Variants in PLA2R1 observed in about 807,000 individuals in gnomAD.
PLA2R1 encodes phospholipase A2 receptor 1.
Under a neutral mutation model 195.9 loss-of-function variants are expected in PLA2R1, and 158 were observed. The observed-to-expected ratio is 0.81, with a 90% confidence interval of 0.71 to 0.92. The LOEUF is 0.92. Among genes scored for constraint, PLA2R1 ranks in the 40% least tolerant of loss-of-function variants. The pLI is 0.00. For missense variants in PLA2R1, 1,626 were observed against 1,764.6 expected, an observed-to-expected ratio of 0.92 and a Z score of 1.41; for synonymous variants, 586 against 598.2, an observed-to-expected ratio of 0.98 and a Z score of 0.30.
At chr2:159,991,305 G>C (rs1690772563) in intron 11 of PLA2R1, among the ~76,000 whole-genome samples, 1 of 152,022 alleles carries the variant, frequency 6.6e-6, no homozygotes, top group Non-Finnish European at 1.5e-5. Context: ...ATGTTCTAAG[G>C]GCTCTCAGAA....
chr2:160,045,436 G>A (rs1001850197), intron 1 of PLA2R1, among the ~76,000 whole-genome samples: 5 of 152,182 alleles, frequency 3.3e-5, no homozygotes, highest in Admixed American at 1.3e-4. Flanking sequence ...AATCCACTCA[G>A]GTCTGTTACT....
At chr2:159,997,885 T>C (rs575125175) in intron 11 of PLA2R1, among the ~76,000 whole-genome samples, 2 of 152,288 alleles carry the variant, frequency 1.3e-5, no homozygotes, top group East Asian at 1.9e-4. Flanking sequence ...ACTTCTTATA[T>C]GCTCGTCTGG....
At chr2:159,930,710 T>C (rs988463098), downstream of PLA2R1, among the ~76,000 whole-genome samples, 1 of 152,162 alleles carries the variant, frequency 6.6e-6, no homozygotes, top group Admixed American at 6.5e-5. Flanking sequence ...TAATGATGTA[T>C]CCACCTCACC....
chr2:159,979,868 G>A lies in PLA2R1; in HGVS notation c.2230C>T (p.Leu744=). The A allele has an allele frequency of 1.2e-6, 2 of 1,608,656 alleles. No homozygotes were observed. Among genetic ancestry groups the A allele is most frequent in the Non-Finnish European group, 1.7e-6 (2 of 1,175,408 alleles). ...FWIGFNKRNP[L]NAGSWEWSDR... is the part of the protein sequence containing the mutation. ...GACCACTCCCATGAGCCGGCATTCAGTGGGTTTCTTTTATTAAATCCAATC... is the reference window on the plus strand; with the variant it reads ...GACCACTCCCATGAGCCGGCATTCAATGGGTTTCTTTTATTAAATCCAATC... The change falls in exon 14 of 30, where the codon CTG becomes TTG. Residue 744 remains leucine (L), a synonymous_variant. Coordinates refer to ENST00000283243, the MANE Select transcript of PLA2R1 (RefSeq NM_007366.5).
chr2:159,951,341 T>A lies in PLA2R1; in HGVS notation c.3539A>T (p.Asp1180Val). The change falls in exon 24 of 30, where the codon GAT (aspartate) becomes GTT (valine). Residue 1180 changes from aspartate to valine, a missense_variant and splice_region_variant. Asp to Val is a radical substitution (Grantham distance 152, BLOSUM62 -3). Transcript: ENST00000283243. ...YAHWIGLFTTDNGLNFDWSDG... is the reference protein window; with the variant it reads ...YAHWIGLFTTVNGLNFDWSDG... ...TCTCAAGGGAGTTAGGATACCTACA[T>A]CTGTGGTGAACAGTCCAATCCAGTG... 6.4e-7 allele frequency: 1 copy of A among 1,555,156 alleles called. No homozygotes were observed. Among genetic ancestry groups the A allele is most frequent in the Non-Finnish European group, 8.9e-7 (1 of 1,126,352 alleles).
At chr2:160,018,166 A>G (rs1225784179) in intron 8 of PLA2R1, among the ~76,000 whole-genome samples, 1 of 152,174 alleles carries the variant, frequency 6.6e-6, no homozygotes, top group African/African-American at 2.4e-5. Context: ...TTACGGCAGC[A>G]TTGTCCTGAC....
chr2:160,030,396 A>G (rs879387438), intron 4 of PLA2R1, among the ~76,000 whole-genome samples: 1 of 152,238 alleles, frequency 6.6e-6, no homozygotes, highest in Non-Finnish European at 1.5e-5. Context: ...TATGATGATA[A>G]GAAGTGAAAT....
chr2:160,052,257 T>C (rs774760475), intron 1 of PLA2R1, among the ~76,000 whole-genome samples: 2 of 152,184 alleles, frequency 1.3e-5, no homozygotes, highest in Non-Finnish European at 2.9e-5. Context: ...TGCAGTTCTG[T>C]GAGGCTTCAA....
At chr2:160,041,705 T>C (rs1694531303) in intron 3 of PLA2R1, among the ~76,000 whole-genome samples, 1 of 152,206 alleles carries the variant, frequency 6.6e-6, no homozygotes, top group Non-Finnish European at 1.5e-5. Context: ...CAGGTTTGTT[T>C]TGAAGTATCC....
chr2:159,971,262 C>G (rs1225725426), intron 17 of PLA2R1, among the ~76,000 whole-genome samples: 2 of 152,098 alleles, frequency 1.3e-5, no homozygotes, highest in Admixed American at 1.3e-4. Context: ...AAAAAAACCA[C>G]TTAATCTAAG....
chr2:160,052,093 A>G (rs1009618037), intron 1 of PLA2R1, among the ~76,000 whole-genome samples: 2 of 152,168 alleles, frequency 1.3e-5, no homozygotes, highest in African/African-American at 4.8e-5. Context: ...CCATCTCCAC[A>G]GGGCCGTGGA....
At position 160,044,835 on chromosome 2, in the gene PLA2R1, A is replaced by G. The variant is rs538685842; in HGVS notation, c.432T>C (p.Tyr144=). 39 of 1,613,802 alleles carry G rather than the reference A, an allele frequency of 2.4e-5. No individual in the cohort carries two copies. The East Asian group carries it at 7.8e-4, about 32-fold the overall frequency. The change falls in exon 2 of 30, where the codon TAT becomes TAC. Residue 144 remains tyrosine, a synonymous_variant. Transcript: ENST00000283243. ...ACCCATAAGAAATCCACTTATGAAT[A>G]TACTTCCGTGAGGCCACCACTGTGT... ...HDNTVVASRK[Y]IHKWISYGSG...
At chr2:159,954,992 C>T (rs544339312) in intron 23 of PLA2R1, among the ~76,000 whole-genome samples, 1 of 152,272 alleles carries the variant, frequency 6.6e-6, no homozygotes, top group South Asian at 2.1e-4. Flanking sequence ...CAAGTGGCCT[C>T]GGCAGTCCTT....
intron 6 of PLA2R1, among the ~76,000 whole-genome samples, chr2:160,024,727 G>A: frequency 6.6e-6 from 1 of 152,242 alleles, no homozygotes; most frequent in African/African-American, 2.4e-5. Flanking sequence ...AAACAGCATT[G>A]GCAAGGCTGG....
chr2:160,016,471 AGG>A (rs34121457), intron 9 of PLA2R1, 141 bp downstream of exon 9: 7 of 559,562 alleles, frequency 1.3e-5, no homozygotes, highest in Admixed American at 3.5e-5. Context: ...AAAGGAAAGA[AGG>A]GGGGGGTGCG....
At chr2:160,009,720 A>C in intron 10 of PLA2R1, among the ~76,000 whole-genome samples, 1 of 103,216 alleles carries the variant, frequency 9.7e-6, no homozygotes, top group African/African-American at 3.5e-5. Flanking sequence ...ATATTTTACC[A>C]CAATAAAAAA....
chr2:160,033,813 T>C (rs1694001391), intron 3 of PLA2R1, among the ~76,000 whole-genome samples: 1 of 152,180 alleles, frequency 6.6e-6, no homozygotes, highest in Admixed American at 6.5e-5. Context: ...GTTTGGGTGC[T>C]TTTGCTAACA....
In PLA2R1 at chr2:160,020,183, T is replaced by A. The variant is rs765476042; in HGVS notation, c.1375A>T (p.Ile459Phe). 1.9e-6 allele frequency: 3 copies of A among 1,612,974 alleles called. No individual in the cohort carries two copies. In the South Asian group the frequency reaches 3.3e-5, roughly 18 times the overall value. The change falls in exon 8 of 30, where the codon ATC becomes TTC. Residue 459 changes from isoleucine (I) to phenylalanine (F), a missense_variant. Transcript: ENST00000283243. Reference protein sequence around the residue: ...SFEWSNDSSVIFTNWHTLEPH... With the variant: ...SFEWSNDSSVFFTNWHTLEPH... The stretch of plus-strand genomic sequence containing the variant: ...TCAAGTGTGTGCCAATTAGTAAAGA[T>A]GACTGAAGAGTCATTAGACCATTCA...
chr2:160,031,682 C>A (rs1693860961), intron 4 of PLA2R1, among the ~76,000 whole-genome samples: 1 of 152,204 alleles, frequency 6.6e-6, no homozygotes, highest in South Asian at 2.1e-4. Flanking sequence ...TGGCTCCCTG[C>A]TCCTAACCTG....
Sources: allele counts gnomAD v4.1 joint callset (sites outside exome capture counted in the v4.1 genomes callset), GRCh38; gene constraint gnomAD v4.1.1; transcripts MANE v1.5; gene names NCBI Gene and HGNC (gene_info 2026-07-23, HGNC 2026-07-21).